The following DNMBP variants were observed in gnomAD, a reference collection of about 807,000 sequenced individuals.
DNMBP encodes the protein dynamin-binding protein.
In DNMBP, 87 loss-of-function variants were observed where a neutral mutation model predicts 150.0. That is an observed-to-expected ratio of 0.58 (90% CI 0.49 to 0.69). The LOEUF (loss-of-function observed/expected upper bound fraction) is 0.69. DNMBP is among the 30% of genes least tolerant of loss of function. The pLI is 0.00. For synonymous variants in DNMBP, 711 were observed against 750.4 expected (o/e 0.95, Z 0.86); for missense variants, 1,774 against 1,949.0 (o/e 0.91, Z 1.69).
At chr10:99,954,726 A>AGAGTG in intron 4 of DNMBP, among the ~76,000 whole-genome samples, 1 of 138,540 alleles carries the variant, frequency 7.2e-6, no homozygotes, top group African/African-American at 2.7e-5. Flanking sequence ...CCTGGGCAAC[A>AGAGTG]AGAGCGAAAC....
In DNMBP at chr10:99,877,274, A is replaced by G; in HGVS notation, c.4611T>C (p.Asn1537=). 6.2e-7 allele frequency: 1 copy of G among 1,613,986 alleles called. No individual in the cohort carries two copies. The change falls in exon 17 of 17, where the codon AAT becomes AAC. Residue 1537 remains asparagine (N), a synonymous_variant. Coordinates refer to ENST00000324109, the MANE Select transcript of DNMBP (RefSeq NM_015221.4). The part of the protein sequence containing the change: ...RNPNELSVSA[N]QKLKILEFKD... Reference sequence around the variant, plus strand: ...TAAACTCGAGGATCTTGAGTTTCTGATTGGCTGACACGCTCAGCTCATTTG... The same window carrying G: ...TAAACTCGAGGATCTTGAGTTTCTGGTTGGCTGACACGCTCAGCTCATTTG...
intron 5 of DNMBP, 32 bp downstream of exon 5, chr10:99,908,921 A>T: frequency 1.3e-6 from 2 of 1,583,734 alleles, no homozygotes; most frequent in South Asian, 2.3e-5. Flanking sequence ...ACCATATTCA[A>T]GGTCAAACTA....
chr10:99,996,802 AT>A (rs1270663400), intron 1 of DNMBP, among the ~76,000 whole-genome samples: 1 of 152,128 alleles, frequency 6.6e-6, no homozygotes, highest in Admixed American at 6.6e-5. Flanking sequence ...TACTTCAACA[AT>A]TTTCATTCTT....
intron 12 of DNMBP, among the ~76,000 whole-genome samples, chr10:99,888,444 C>G (rs1235753942): frequency 6.6e-6 from 1 of 152,138 alleles, no homozygotes; most frequent in East Asian, 1.9e-4. Flanking sequence ...CTCCTGACCT[C>G]AAGGGATCTG....
At position 99,898,180 on chromosome 10, in the gene DNMBP, T is replaced by C. The variant is rs753180123; in HGVS notation, c.2826A>G (p.Glu942=). The change falls in exon 9 of 17, where the codon GAA becomes GAG. Residue 942 remains glutamate (E), a synonymous_variant. Coordinates refer to ENST00000324109, the MANE Select transcript of DNMBP (RefSeq NM_015221.4). ...TTAAAGGCACTTTATCTGGGTGGGA[T>C]TCTGGGGTGGAATTCAGCAACTCCA... ...LLMELLNSTP[E]SHPDKVPLTN... 1.9e-6 allele frequency: 3 copies of C among 1,614,082 alleles called. No homozygotes were observed. Among genetic ancestry groups the C allele is most frequent in the Admixed American group, 3.3e-5 (2 of 60,010 alleles).
intron 15 of DNMBP, 128 bp from the exon 16 acceptor site, chr10:99,880,489 A>C: frequency 7.7e-7 from 1 of 1,290,478 alleles, no homozygotes; most frequent in Non-Finnish European, 1.0e-6. Context: ...ACAAAAACTC[A>C]AAAGCCAGGC....
chr10:99,957,435 C>G, intron 3 of DNMBP: 1 of 571,208 alleles, frequency 1.8e-6, no homozygotes, highest in Non-Finnish European at 3.1e-6. Context: ...AAGATCCTAG[C>G]AGAGAATCTG....
At chr10:99,907,772 A>G (rs1392768658) in intron 6 of DNMBP, among the ~76,000 whole-genome samples, 1 of 152,194 alleles carries the variant, frequency 6.6e-6, no homozygotes, top group South Asian at 2.1e-4. Flanking sequence ...GTGGAAAAAC[A>G]TTGTACTGTA....
At chr10:99,929,801 A>ACAC in intron 4 of DNMBP, 1 of 702,926 alleles carries the variant, frequency 1.4e-6, no homozygotes, top group South Asian at 1.5e-5. Flanking sequence ...CTCCCCTGGT[A>ACAC]CACTGAGTCT....
chr10:99,925,517 G>A (rs1047856197), intron 4 of DNMBP, among the ~76,000 whole-genome samples: 4 of 152,156 alleles, frequency 2.6e-5, no homozygotes, highest in African/African-American at 9.7e-5. Flanking sequence ...CTGGGTTCAA[G>A]CGATTCTCCC....
Position 99,955,902 on chromosome 10 carries a change from C to T in DNMBP, c.1572G>A (p.Lys524=). Reference sequence around the variant, plus strand: ...CAAGCCCTTGGGCTTGCGGACCAGGCTTCATCTCCAATCTCTCTGAGATGG... The same window carrying T: ...CAAGCCCTTGGGCTTGCGGACCAGGTTTCATCTCCAATCTCTCTGAGATGG... ...VYSISERLEM[K]PGPQAQGLVM... is the part of the protein sequence containing the mutation. The change falls in exon 4 of 17, where the codon AAG becomes AAA. Residue 524 remains lysine, a synonymous_variant. Transcript: ENST00000324109. 1 of 1,614,166 alleles carries T rather than the reference C, an allele frequency of 6.2e-7. No individual in the cohort carries two copies. Among genetic ancestry groups the T allele is most frequent in the South Asian group, 1.1e-5 (1 of 91,086 alleles).
intron 1 of DNMBP, among the ~76,000 whole-genome samples, chr10:99,984,791 G>A (rs533198379): frequency 1.3e-5 from 2 of 152,262 alleles, no homozygotes; most frequent in Non-Finnish European, 2.9e-5. Context: ...GTGCAGTGAT[G>A]ATCACGGCTC....
intron 4 of DNMBP, among the ~76,000 whole-genome samples, chr10:99,929,066 C>T (rs1363584447): frequency 6.6e-6 from 1 of 151,972 alleles, no homozygotes; most frequent in Non-Finnish European, 1.5e-5. Context: ...ATCTCTTGAG[C>T]CCAGGAGTTT....
At chr10:99,998,228 C>T (rs1241663466) in intron 1 of DNMBP, among the ~76,000 whole-genome samples, 13 of 121,022 alleles carry the variant, frequency 1.1e-4, no homozygotes, top group East Asian at 6.2e-4. Context: ...AGCAAGACTC[C>T]GTCTCAAAAA....
intron 15 of DNMBP, among the ~76,000 whole-genome samples, chr10:99,882,180 G>A (rs915547552): frequency 2.2e-4 from 34 of 152,310 alleles, no homozygotes; most frequent in African/African-American, 7.5e-4. Flanking sequence ...TCTCATAGAG[G>A]TTGAGAGTAG....
chr10:99,991,081 AT>A (rs200836314), intron 1 of DNMBP, among the ~76,000 whole-genome samples: 7,645 of 144,018 alleles, frequency 0.053, 185 homozygotes, highest in South Asian at 0.086. Flanking sequence ...CTCATAAAGA[AT>A]TTTTTTTTTT....
intron 10 of DNMBP, 66 bp downstream of exon 10, chr10:99,896,201 G>A (rs1471033472): frequency 4.5e-6 from 7 of 1,563,806 alleles, no homozygotes; most frequent in Non-Finnish European, 6.1e-6. Context: ...ACGCCAGGCA[G>A]GCTGTCTCAT....
At chr10:99,929,088 G>C (rs1390255821) in intron 4 of DNMBP, among the ~76,000 whole-genome samples, 1 of 152,074 alleles carries the variant, frequency 6.6e-6, no homozygotes, top group Non-Finnish European at 1.5e-5. Flanking sequence ...AGGCTGCAGT[G>C]AGCCATGACC....
chr10:99,932,149 T>C (rs150737746), intron 4 of DNMBP, among the ~76,000 whole-genome samples: 1 of 152,368 alleles, frequency 6.6e-6, no homozygotes, highest in African/African-American at 2.4e-5. Flanking sequence ...TTTAGCTGTC[T>C]GGTCATTTCT....
Sources: allele counts gnomAD v4.1 joint callset (sites outside exome capture counted in the v4.1 genomes callset), GRCh38; gene constraint gnomAD v4.1.1; transcripts MANE v1.5; gene names NCBI Gene and HGNC (gene_info 2026-07-23, HGNC 2026-07-21).